Variants in FRMD4A observed in about 807,000 individuals in gnomAD.
The protein encoded by FRMD4A is FERM domain containing 4A, also known as FERM domain-containing protein 4A.
Under a neutral mutation model 129.1 loss-of-function variants are expected in FRMD4A, and 29 were observed. That is an observed-to-expected ratio of 0.22 (90% CI 0.17 to 0.31). The LOEUF (loss-of-function observed/expected upper bound fraction) is 0.31, where lower values mean the gene tolerates loss of function less well. FRMD4A is among the 10% of genes least tolerant of loss of function. The pLI is 1.00. For synonymous variants in FRMD4A, 634 were observed against 571.6 expected, an observed-to-expected ratio of 1.11 and a Z score of -1.56; for missense variants, 1,272 against 1,375.8, an observed-to-expected ratio of 0.92 and a Z score of 1.19.
chr10:14,222,909 G>A (rs1843309770), intron 2 of FRMD4A, among the ~76,000 whole-genome samples: 1 of 152,166 alleles, frequency 6.6e-6, no homozygotes, highest in Non-Finnish European at 1.5e-5. Context: ...CCAACATGGT[G>A]AAACCCTATC....
intron 2 of FRMD4A, among the ~76,000 whole-genome samples, chr10:14,273,757 G>A (rs1436409339): frequency 1.3e-5 from 2 of 152,172 alleles, no homozygotes; most frequent in African/African-American, 4.8e-5. Flanking sequence ...AGGTCCTCCA[G>A]GAAGAGTGGA....
chr10:13,851,526 A>G (rs988639895), intron 3 of FRMD4A, among the ~76,000 whole-genome samples: 1 of 152,038 alleles, frequency 6.6e-6, no homozygotes, highest in African/African-American at 2.4e-5. Context: ...CTCCTGTCAG[A>G]TCAGCAGCAG....
intron 2 of FRMD4A, among the ~76,000 whole-genome samples, chr10:14,045,736 G>T (rs934167387): frequency 4.9e-5 from 7 of 143,758 alleles, no homozygotes; most frequent in South Asian, 2.2e-4. Flanking sequence ...AGATATAATT[G>T]TCTACCAGAC....
At chr10:14,058,049 C>A (rs1024731318) in intron 2 of FRMD4A, among the ~76,000 whole-genome samples, 3 of 152,210 alleles carry the variant, frequency 2.0e-5, no homozygotes, top group Non-Finnish European at 2.9e-5. Flanking sequence ...TTAATTCCCA[C>A]CCAGGCCTTC....
At chr10:13,699,126 G>C (rs1412683314) in intron 14 of FRMD4A, among the ~76,000 whole-genome samples, 1 of 147,094 alleles carries the variant, frequency 6.8e-6, no homozygotes, top group Non-Finnish European at 1.5e-5. Context: ...TGTGATCTCA[G>C]CTCACTGCAA....
intron 3 of FRMD4A, among the ~76,000 whole-genome samples, chr10:13,820,991 C>A (rs947847257): frequency 2.0e-5 from 3 of 152,118 alleles, no homozygotes; most frequent in Non-Finnish European, 4.4e-5. Context: ...GGGGAAGGAG[C>A]GCAGCTTTGA....
intron 4 of FRMD4A, 98 bp downstream of exon 4, chr10:13,810,716 G>A (rs2093430031): frequency 1.7e-6 from 1 of 592,302 alleles, no homozygotes. Flanking sequence ...GACCCAAGTG[G>A]TCTGCAGCTG....
chr10:14,001,782 T>C (rs1404572758), intron 2 of FRMD4A, among the ~76,000 whole-genome samples: 1 of 152,174 alleles, frequency 6.6e-6, no homozygotes, highest in East Asian at 1.9e-4. Context: ...CAAAACCCCA[T>C]GCAGGATGAG....
rs545160201 is a variant in FRMD4A, at chr10:14,181,080, T to C, written c.45+148978A>G. Reference sequence around the variant, plus strand: ...ATCGGTACAGAAGTTAATTGGAATCTAGCCCTTGGAGACTTTTCCCTTCAG... The same window carrying C: ...ATCGGTACAGAAGTTAATTGGAATCCAGCCCTTGGAGACTTTTCCCTTCAG... On this transcript the variant is annotated intron_variant, in intron 2 of 24. Coordinates refer to ENST00000357447, the MANE Select transcript of FRMD4A (RefSeq NM_018027.5). Among the ~76,000 whole-genome samples, 3 of 152,334 alleles carry C rather than the reference T, an allele frequency of 2.0e-5. No homozygotes were observed. The South Asian group carries it at 6.2e-4, about 32-fold the overall frequency.
chr10:14,258,157 T>TA (rs1035050978), intron 2 of FRMD4A, among the ~76,000 whole-genome samples: 2 of 151,494 alleles, frequency 1.3e-5, no homozygotes, highest in African/African-American at 2.4e-5. Flanking sequence ...GCACAGACAC[T>TA]AAAAAAAGAA....
intron 2 of FRMD4A, among the ~76,000 whole-genome samples, chr10:14,119,358 G>A (rs557028794): frequency 3.9e-5 from 6 of 152,304 alleles, no homozygotes; most frequent in South Asian, 4.1e-4. Context: ...TTACCAGCAG[G>A]AGACGGAATG....
intron 2 of FRMD4A, among the ~76,000 whole-genome samples, chr10:13,974,115 C>T (rs918665185): frequency 2.0e-5 from 3 of 150,566 alleles, no homozygotes; most frequent in African/African-American, 4.9e-5. Context: ...GAAAGCTCCA[C>T]CTCTGGATAG....
chr10:14,270,518 A>T (rs1246092057), intron 2 of FRMD4A, among the ~76,000 whole-genome samples: 2 of 152,208 alleles, frequency 1.3e-5, no homozygotes, highest in Admixed American at 1.3e-4. Context: ...GCAGAGAGCC[A>T]TCTGGAGTTA....
rs997017360 is a variant in FRMD4A, at chr10:13,671,869, C to T, written c.1252-1341G>A. On this transcript the variant is annotated intron_variant, in intron 16 of 24. Coordinates refer to ENST00000357447, the MANE Select transcript of FRMD4A (RefSeq NM_018027.5). ...CTCTGGCTTTTCTAGCCCAAATCAA[C>T]GCAGATGCTGCACAAAGACTGAAGG... 5.9e-5 allele frequency among the ~76,000 whole-genome samples: 9 copies of T among 152,382 alleles called. No individual in the cohort carries two copies. In the South Asian group the frequency reaches 1.4e-3, roughly 25 times the overall value.
intron 5 of FRMD4A, among the ~76,000 whole-genome samples, chr10:13,794,042 C>T (rs531360955): frequency 1.2e-4 from 18 of 152,084 alleles, no homozygotes; most frequent in Middle Eastern, 3.4e-3. Flanking sequence ...TTCAATAGGT[C>T]GACTGACTGG....
intron 2 of FRMD4A, among the ~76,000 whole-genome samples, chr10:14,103,114 C>T (rs1837397605): frequency 2.0e-5 from 3 of 152,220 alleles, no homozygotes; most frequent in Admixed American, 2.0e-4. Context: ...AGAAGCCTCT[C>T]CGTCACATAG....
intron 2 of FRMD4A, among the ~76,000 whole-genome samples, chr10:14,167,196 A>G (rs1006374639): frequency 6.6e-6 from 1 of 152,164 alleles, no homozygotes; most frequent in African/African-American, 2.4e-5. Flanking sequence ...TTCTCCGCAG[A>G]AAATAAGTAC....
At chr10:13,963,370 G>A (rs146618490) in intron 2 of FRMD4A, among the ~76,000 whole-genome samples, 1 of 148,950 alleles carries the variant, frequency 6.7e-6, no homozygotes, top group East Asian at 2.0e-4. Flanking sequence ...GCAGGGCATC[G>A]CTCTTTAAAA....
intron 2 of FRMD4A, among the ~76,000 whole-genome samples, chr10:14,225,067 A>G (rs1843390864): frequency 1.3e-5 from 2 of 152,234 alleles, no homozygotes; most frequent in Admixed American, 1.3e-4. Context: ...GACTGCAAAT[A>G]AGCTTGACAT....
Sources: allele counts gnomAD v4.1 joint callset (sites outside exome capture counted in the v4.1 genomes callset), GRCh38; gene constraint gnomAD v4.1.1; transcripts MANE v1.5; gene names NCBI Gene and HGNC (gene_info 2026-07-23, HGNC 2026-07-21).